Variants in CTBP2 observed in about 807,000 individuals in gnomAD.
CTBP2 encodes C-terminal binding protein 2.
A neutral mutation model predicts 80.3 loss-of-function variants in CTBP2; 30 were observed. That is an observed-to-expected ratio of 0.37 (90% CI 0.28 to 0.51). CTBP2 has a LOEUF of 0.51. Among genes scored for constraint, CTBP2 ranks in the 20% least tolerant of loss-of-function variants. CTBP2 has a pLI of 0.93. For synonymous variants in CTBP2, 594 were observed against 587.4 expected (o/e 1.01, Z -0.16); for missense variants, 1,212 against 1,375.3 (o/e 0.88, Z 1.88).
chr10:125,041,710 C>T (rs1469339427), intron 2 of CTBP2, among the ~76,000 whole-genome samples: 3 of 152,076 alleles, frequency 2.0e-5, no homozygotes, highest in African/African-American at 7.2e-5. Context: ...GTGAAGACCT[C>T]GGAGATGAAA....
chr10:125,023,397 C>A (rs567288830), intron 1 of CTBP2, among the ~76,000 whole-genome samples: 1 of 152,212 alleles, frequency 6.6e-6, no homozygotes, highest in East Asian at 1.9e-4. Flanking sequence ...CAGCCCCATT[C>A]GTTCGTTGTT....
chr10:125,017,337 C>T (rs1284841816), intron 1 of CTBP2, among the ~76,000 whole-genome samples: 1 of 152,208 alleles, frequency 6.6e-6, no homozygotes, highest in Non-Finnish European at 1.5e-5. Context: ...AGAAACTCAC[C>T]TCTGCTTCTG....
chr10:125,026,285 T>C lies in CTBP2; in HGVS notation c.1475A>G (p.Lys492Arg), dbSNP rs768676912. The C allele has an allele frequency of 7.1e-5, 114 of 1,613,798 alleles. No homozygotes were observed. The highest frequency in any genetic ancestry group is 9.5e-5 in the Non-Finnish European group (112 of 1,179,950). Residue 492 changes from lysine (K) to arginine (R), a missense_variant, in exon 1 of 9, where the codon AAG (lysine) becomes AGG (arginine). Coordinates refer to ENST00000309035, the MANE Select transcript of CTBP2 (RefSeq NM_022802.3). ...AGAGGCGGCCACGTTGCGCTCCCTCTTTAGCAGCTCCATGGGCACCGTGTA... is the reference window on the plus strand; with the variant it reads ...AGAGGCGGCCACGTTGCGCTCCCTCCTTAGCAGCTCCATGGGCACCGTGTA...
chr10:125,093,923 G>A (rs1331244511), intron 2 of CTBP2, among the ~76,000 whole-genome samples: 1 of 152,218 alleles, frequency 6.6e-6, no homozygotes, highest in African/African-American at 2.4e-5. Context: ...GAATTAAAGA[G>A]TTGCTATAAC....
At chr10:125,023,464 C>T (rs926368268) in intron 1 of CTBP2, among the ~76,000 whole-genome samples, 2 of 152,218 alleles carry the variant, frequency 1.3e-5, no homozygotes, top group South Asian at 2.1e-4. Flanking sequence ...GCACGTGACA[C>T]GGGGAGATTG....
chr10:125,145,100 A>G (rs1858505816), intron 1 of CTBP2, among the ~76,000 whole-genome samples: 1 of 152,218 alleles, frequency 6.6e-6, no homozygotes, highest in South Asian at 2.1e-4. Context: ...GGGTTATTTG[A>G]GTTATATAAA....
At chr10:125,087,710 C>T (rs1152658) in intron 2 of CTBP2, among the ~76,000 whole-genome samples, 32,952 of 152,162 alleles carry the variant, frequency 0.22, 4,285 homozygotes, top group African/African-American at 0.34. Flanking sequence ...CAAGAGGTCT[C>T]TGGGATGCTT....
chr10:125,098,762 G>GAGAGAGAGAGAGAGAC (rs1850124980), intron 2 of CTBP2, among the ~76,000 whole-genome samples: 2 of 128,104 alleles, frequency 1.6e-5, no homozygotes, highest in African/African-American at 6.2e-5. Context: ...GAGAGAGAGA[G>GAGAGAGAGAGAGAGAC]AGAGAGAGAG....
intron 1 of CTBP2, among the ~76,000 whole-genome samples, chr10:125,022,233 G>T (rs939796825): frequency 6.6e-6 from 1 of 152,178 alleles, no homozygotes; most frequent in South Asian, 2.1e-4. Flanking sequence ...GCTCTTCCAA[G>T]CATAGGAGTG....
chr10:125,116,927 G>A (rs192687412), intron 1 of CTBP2, among the ~76,000 whole-genome samples: 20 of 152,358 alleles, frequency 1.3e-4, no homozygotes, highest in Admixed American at 7.2e-4. Flanking sequence ...AGGCAGGATG[G>A]TGGCCCTTGA....
chr10:125,010,057 C>T (rs1267964805), intron 1 of CTBP2, among the ~76,000 whole-genome samples: 3 of 152,142 alleles, frequency 2.0e-5, no homozygotes, highest in Non-Finnish European at 4.4e-5. Flanking sequence ...CCTGTTCCCA[C>T]GGCAGCTGCA....
At chr10:124,993,064 C>T (rs1401844619) in intron 7 of CTBP2, 138 bp downstream of exon 9, 2 of 1,111,632 alleles carry the variant, frequency 1.8e-6, no homozygotes, top group African/African-American at 1.6e-5. Context: ...CGTAAATAAA[C>T]AGGGCCCAAC....
rs1047260618 is a variant in CTBP2 at position 124,993,232 on chromosome 10, C to T, written c.2629G>A (p.Ala877Thr). ...ATGGCTCGGCGGATCTCGGTGGCAGCTGCCTCCCTCATCTCCAGTGACGCC... is the reference window on the plus strand; with the variant it reads ...ATGGCTCGGCGGATCTCGGTGGCAGTTGCCTCCCTCATCTCCAGTGACGCC... The change falls in exon 7 of 9, where the codon GCT becomes ACT. Residue 877 changes from alanine (A) to threonine (T), a missense_variant. By Grantham distance (58) the Ala-to-Thr change is moderately conservative. Around this residue, in one of 3 missense-constraint regions of CTBP2, gnomAD observed 335 missense variants for 504.7 expected, o/e 0.66. Transcript: ENST00000309035. 6.2e-7 allele frequency: 1 copy of T among 1,601,324 alleles called. No individual in the cohort carries two copies. The highest frequency in any genetic ancestry group is 8.5e-7 in the Non-Finnish European group (1 of 1,170,466).
intron 1 of CTBP2, among the ~76,000 whole-genome samples, chr10:125,143,513 T>A (rs1161253982): frequency 6.6e-6 from 1 of 152,166 alleles, no homozygotes; most frequent in Non-Finnish European, 1.5e-5. Flanking sequence ...GGCACTGCAT[T>A]ATCACACCAT....
intron 1 of CTBP2, among the ~76,000 whole-genome samples, chr10:125,150,875 T>C (rs1385341301): frequency 1.3e-5 from 2 of 149,078 alleles, no homozygotes. Context: ...GCAGGCCCCG[T>C]TGAATACGTG....
At chr10:125,148,758 G>A (rs1472446979) in intron 1 of CTBP2, among the ~76,000 whole-genome samples, 1 of 152,124 alleles carries the variant, frequency 6.6e-6, no homozygotes, top group Non-Finnish European at 1.5e-5. Flanking sequence ...CACTATTCAA[G>A]GCCTTCCTTA....
upstream of CTBP2, among the ~76,000 whole-genome samples, chr10:125,033,061 C>T (rs1444700287): frequency 6.6e-6 from 1 of 152,218 alleles, no homozygotes; most frequent in African/African-American, 2.4e-5. Context: ...AGCCTCACTC[C>T]CAAGTCTCGG....
intron 2 of CTBP2, among the ~76,000 whole-genome samples, chr10:125,071,335 G>C (rs989551264): frequency 6.6e-6 from 1 of 152,226 alleles, no homozygotes; most frequent in Non-Finnish European, 1.5e-5. Context: ...CAGGGATGAT[G>C]GAAAAACCAG....
intron 6 of CTBP2, 25 bp from the exon 9 acceptor site, chr10:124,993,354 G>GT (rs770648848): frequency 1.7e-5 from 28 of 1,601,250 alleles, no homozygotes; most frequent in Middle Eastern, 1.7e-4. Context: ...AAAAAACAGA[G>GT]TAAGCGGGAA....
Sources: allele counts gnomAD v4.1 joint callset (sites outside exome capture counted in the v4.1 genomes callset), GRCh38; gene constraint gnomAD v4.1.1; regional missense constraint gnomAD v4.1.1; transcripts MANE v1.5; gene names NCBI Gene and HGNC (gene_info 2026-07-23, HGNC 2026-07-21).